The following SPIN1 variants were observed in gnomAD, a reference collection of about 807,000 sequenced individuals.
SPIN1 encodes the protein spindlin 1.
A neutral mutation model predicts 26.0 loss-of-function variants in SPIN1; 3 were observed. That is an observed-to-expected ratio of 0.12 (90% CI 0.05 to 0.30). The LOEUF (loss-of-function observed/expected upper bound fraction) is 0.30, where lower values mean the gene tolerates loss of function less well. SPIN1 is among the 10% of genes least tolerant of loss of function. SPIN1 has a pLI of 1.00. For missense variants in SPIN1, 126 were observed against 333.4 expected (o/e 0.38, Z 4.84); for synonymous variants, 101 against 116.5 (o/e 0.87, Z 0.86).
At chr9:88,392,337 A>G (rs1826941715) in intron 1 of SPIN1, among the ~76,000 whole-genome samples, 1 of 152,206 alleles carries the variant, frequency 6.6e-6, no homozygotes, top group South Asian at 2.1e-4. Context: ...GGCTAAATAT[A>G]TAAACACAGA....
At chr9:88,430,776 A>G (rs760701798) in intron 2 of SPIN1, among the ~76,000 whole-genome samples, 26 of 152,072 alleles carry the variant, frequency 1.7e-4, no homozygotes, top group Non-Finnish European at 2.9e-5. Flanking sequence ...AACAAGTACT[A>G]TTAGGGTATA....
At chr9:88,390,806 G>T (rs940401771) in intron 1 of SPIN1, among the ~76,000 whole-genome samples, 2 of 151,990 alleles carry the variant, frequency 1.3e-5, no homozygotes, top group African/African-American at 4.8e-5. Context: ...CTCCTTACTG[G>T]TCCAAAGCCA....
intron 1 of SPIN1, among the ~76,000 whole-genome samples, chr9:88,417,188 GT>G (rs1488773284): frequency 6.6e-6 from 1 of 152,074 alleles, no homozygotes; most frequent in Non-Finnish European, 1.5e-5. Flanking sequence ...TTAGCTATAT[GT>G]TTTTTTCGTA....
In SPIN1 at chr9:88,400,662, A is replaced by G. The variant is rs181511019; in HGVS notation, c.-159+12124A>G. Among the ~76,000 whole-genome samples, 654 of 152,306 alleles carry G rather than the reference A, an allele frequency of 4.3e-3. 5 individuals carry two copies. The highest frequency in any genetic ancestry group is 0.015 in the African/African-American group (609 of 41,572). On this transcript the variant is annotated intron_variant, in intron 1 of 5. Transcript: ENST00000375859. ...GGAGTTTGAGACCAGCCTGGCCAAC[A>G]TGGCGATACCTCATCTCTACTAAAA...
intron 1 of SPIN1, chr9:88,415,532 CA>C (rs1796844926): frequency 6.6e-6 from 1 of 152,160 alleles, no homozygotes; most frequent in South Asian, 2.1e-4. Context: ...CCTCCCACCC[CA>C]GCCTCCCAGT....
intron 3 of SPIN1, among the ~76,000 whole-genome samples, chr9:88,458,812 C>T (rs1219549989): frequency 2.0e-5 from 3 of 152,126 alleles, no homozygotes; most frequent in African/African-American, 7.2e-5. Context: ...AGCTGCAGCA[C>T]AAACAGCCAG....
At chr9:88,431,261 A>G (rs962635114) in intron 2 of SPIN1, among the ~76,000 whole-genome samples, 4 of 151,082 alleles carry the variant, frequency 2.6e-5, no homozygotes, top group Non-Finnish European at 5.9e-5. Context: ...TACTACTCAA[A>G]TTTAACAAAT....
chr9:88,453,452 G>A (rs1159463507), intron 3 of SPIN1, among the ~76,000 whole-genome samples: 1 of 152,074 alleles, frequency 6.6e-6, no homozygotes, highest in African/African-American at 2.4e-5. Context: ...CTGGTCTGGG[G>A]AATCTCATTA....
chr9:88,401,585 C>A (rs569099095), intron 1 of SPIN1, among the ~76,000 whole-genome samples: 1 of 152,256 alleles, frequency 6.6e-6, no homozygotes, highest in Admixed American at 6.5e-5. Flanking sequence ...AAATGCTATA[C>A]AAATAGTTAT....
intron 2 of SPIN1, among the ~76,000 whole-genome samples, chr9:88,440,891 C>G (rs1828108597): frequency 6.6e-6 from 1 of 151,410 alleles, no homozygotes; most frequent in African/African-American, 2.4e-5. Context: ...TCTTTCTTCC[C>G]TTTTCCCTCC....
intron 1 of SPIN1, among the ~76,000 whole-genome samples, chr9:88,403,028 G>A (rs2117917352): frequency 6.6e-6 from 1 of 152,184 alleles, no homozygotes; most frequent in South Asian, 2.1e-4. Flanking sequence ...TTGTAGTTTT[G>A]ATTTGTATTT....
At chr9:88,409,249 C>T (rs1024545274) in intron 1 of SPIN1, among the ~76,000 whole-genome samples, 5 of 151,822 alleles carry the variant, frequency 3.3e-5, no homozygotes, top group Non-Finnish European at 5.9e-5. Context: ...CCCGCCTCGG[C>T]CTCCCAAAGT....
intron 4 of SPIN1, 35 bp from the exon 5 acceptor site, chr9:88,468,337 T>G: frequency 6.9e-7 from 1 of 1,458,460 alleles, no homozygotes; most frequent in East Asian, 2.4e-5. Flanking sequence ...AGCGAAACAC[T>G]TTGTCAACTT....
At position 88,422,937 on chromosome 9, in the gene SPIN1, T is replaced by G. The variant is rs530724647; in HGVS notation, c.-158-3445T>G. The stretch of plus-strand genomic sequence containing the variant: ...GTTGGCCAGGCTGGTCTTGAACTCC[T>G]GACCTCAGGTGATCGTCCACCTCGG... On this transcript the variant is annotated intron_variant, in intron 1 of 5. Transcript: ENST00000375859. Among the ~76,000 whole-genome samples the G allele has an allele frequency of 5.1e-4, 77 of 152,274 alleles. 1 individual carries two copies. Among genetic ancestry groups the G allele is most frequent in the African/African-American group, 1.8e-3 (76 of 41,550 alleles).
Position 88,462,478 on chromosome 9 carries a change from G to T in SPIN1, c.102-18G>T. On this transcript the variant is annotated intron_variant, in intron 3 of 5. Transcript: ENST00000375859. The stretch of plus-strand genomic sequence containing the variant: ...ACTTTTGAGATAATACCTTATGTGT[G>T]TATATGTGTGAATACAGAAAACATC... The T allele has an allele frequency of 6.2e-7, 1 of 1,612,890 alleles. No homozygotes were observed. Among genetic ancestry groups the T allele is most frequent in the Non-Finnish European group, 8.5e-7 (1 of 1,179,390 alleles).
At chr9:88,457,660 T>C (rs10481768) in intron 3 of SPIN1, 32,574 of 184,996 alleles carry the variant, frequency 0.18, 3,820 homozygotes, top group African/African-American at 0.35. Flanking sequence ...CTCAAAGTAC[T>C]GAGGGGAAAA....
chr9:88,462,373 A>G (rs765016428), intron 3 of SPIN1, 123 bp from the exon 4 acceptor site: 6 of 1,370,630 alleles, frequency 4.4e-6, no homozygotes, highest in Non-Finnish European at 5.9e-6. Flanking sequence ...GAATGTGGCA[A>G]ACATGAGTTT....
At chr9:88,409,556 C>T (rs1827392757) in intron 1 of SPIN1, among the ~76,000 whole-genome samples, 1 of 151,924 alleles carries the variant, frequency 6.6e-6, no homozygotes, top group East Asian at 2.0e-4. Context: ...TACACGACGG[C>T]CAGGTGCGGT....
chr9:88,428,658 A>C (rs1482114489), intron 2 of SPIN1, among the ~76,000 whole-genome samples: 1 of 152,170 alleles, frequency 6.6e-6, no homozygotes, highest in East Asian at 1.9e-4. Context: ...TTTTTTTTAA[A>C]GGGTGAGATT....
Sources: allele counts gnomAD v4.1 joint callset (sites outside exome capture counted in the v4.1 genomes callset), GRCh38; gene constraint gnomAD v4.1.1; transcripts MANE v1.5; gene names NCBI Gene and HGNC (gene_info 2026-07-23, HGNC 2026-07-21).